NLRP7: variants seen among roughly 807,000 people sequenced by gnomAD.
The protein encoded by NLRP7 is NACHT, LRR and PYD domains-containing protein 7.
A neutral mutation model predicts 85.5 loss-of-function variants in NLRP7; 72 were observed. The observed-to-expected ratio is 0.84, with a 90% confidence interval of 0.70 to 1.02. The LOEUF (loss-of-function observed/expected upper bound fraction) is 1.02. Ranked by LOEUF, NLRP7 falls within the 50% of genes least tolerant of loss-of-function variation. The probability of loss-of-function intolerance (pLI) is 0.00; values close to 1 mark genes in which losing one functional copy is unlikely to be tolerated. For synonymous variants in NLRP7, 550 were observed against 505.2 expected, an observed-to-expected ratio of 1.09 and a Z score of -1.19; for missense variants, 1,243 against 1,219.5, an observed-to-expected ratio of 1.02 and a Z score of -0.29.
chr19:54,951,945 G>A (rs1047547303), upstream of NLRP7, among the ~76,000 whole-genome samples: 3 of 151,878 alleles, frequency 2.0e-5, no homozygotes, highest in African/African-American at 4.8e-5. Context: ...GTAGAGACGC[G>A]GTTTCACCAT....
chr19:54,960,027 G>A (rs890542363), intron 1 of NLRP7, among the ~76,000 whole-genome samples: 3 of 151,970 alleles, frequency 2.0e-5, no homozygotes, highest in South Asian at 2.1e-4. Context: ...CAGTTCATCC[G>A]ATACTCTGTT....
chr19:54,962,893 T>C (rs531843352), intron 1 of NLRP7, among the ~76,000 whole-genome samples: 14 of 151,956 alleles, frequency 9.2e-5, no homozygotes, highest in African/African-American at 3.1e-4. Context: ...GGCACCACAC[T>C]GGGCCCCCTC....
At position 54,945,683 on chromosome 19, in the gene NLRP7, C is replaced by A. The variant is rs567470752; in HGVS notation, c.-40+1786G>T. ...GCACAATCTCGACTCACTGCAACCT[C>A]CACCTCCCAGGTTCAAGTGATTCTA... On this transcript the variant is annotated intron_variant, in intron 1 of 9. Coordinates refer to ENST00000340844, the Ensembl canonical transcript of NLRP7. Among the ~76,000 whole-genome samples, 53 of 152,216 alleles carry A rather than the reference C, an allele frequency of 3.5e-4. 1 individual carries two copies. The highest frequency in any genetic ancestry group is 1.1e-3 in the African/African-American group (46 of 41,546).
At chr19:54,936,370 T>C (rs1352256594) in exon 6 of NLRP7, 9 of 1,614,114 alleles carry the variant, frequency 5.6e-6, no homozygotes, top group Non-Finnish European at 7.6e-6. Flanking sequence ...GTGAGGGTCT[T>C]CTTCCCAATG....
At position 54,945,537 on chromosome 19, in the gene NLRP7, T is replaced by C. The variant is rs545316978; in HGVS notation, c.-40+1932A>G. On this transcript the variant is annotated intron_variant, in intron 1 of 9. Transcript: ENST00000340844. ...TGCCCACCTCAGCCTCCCAAAGTGCTGGGATTACAGGTATGAGCCACCAGG... is the reference window on the plus strand; with the variant it reads ...TGCCCACCTCAGCCTCCCAAAGTGCCGGGATTACAGGTATGAGCCACCAGG... Among the ~76,000 whole-genome samples the C allele has an allele frequency of 5.3e-5, 8 of 152,132 alleles. No individual in the cohort carries two copies. The East Asian group carries it at 1.6e-3, about 30-fold the overall frequency.
chr19:54,932,217 C>T (rs996751405), intron 8 of NLRP7, among the ~76,000 whole-genome samples: 1 of 151,960 alleles, frequency 6.6e-6, no homozygotes, highest in Admixed American at 6.6e-5. Context: ...CACTTAAGGC[C>T]AGGAGTTCAA....
chr19:54,963,094 G>A (rs2070117088), intron 1 of NLRP7, among the ~76,000 whole-genome samples: 3 of 152,010 alleles, frequency 2.0e-5, no homozygotes, highest in South Asian at 4.2e-4. Context: ...ATGTTTAGAG[G>A]ACTTAATAAG....
chr19:54,957,321 C>T (rs1486928391), intron 1 of NLRP7, among the ~76,000 whole-genome samples: 2 of 151,130 alleles, frequency 1.3e-5, no homozygotes, highest in African/African-American at 4.9e-5. Flanking sequence ...GGGACGGACA[C>T]CCCTACTCCT....
intron 9 of NLRP7, 83 bp downstream of exon 10, chr19:54,927,522 C>T: frequency 7.0e-7 from 1 of 1,428,350 alleles, no homozygotes; most frequent in South Asian, 1.2e-5. Flanking sequence ...CGCCACTGCA[C>T]TCCAGCCTGA....
At chr19:54,930,701 C>T in intron 8 of NLRP7, 35 bp from the exon 9 acceptor site, 1 of 1,590,804 alleles carries the variant, frequency 6.3e-7, no homozygotes. Context: ...AGCCTGTTAT[C>T]CCTCTGGCTA....
chr19:54,933,090 G>A (rs939274602), intron 8 of NLRP7, among the ~76,000 whole-genome samples: 6 of 152,102 alleles, frequency 3.9e-5, no homozygotes, highest in Non-Finnish European at 8.8e-5. Flanking sequence ...AGCAGGAAGA[G>A]GCTCTGCTGA....
intron 1 of NLRP7, among the ~76,000 whole-genome samples, chr19:54,955,522 C>T (rs1324660562): frequency 6.6e-6 from 1 of 152,042 alleles, no homozygotes; most frequent in Admixed American, 6.6e-5. Flanking sequence ...TACAGAATTT[C>T]GACTGAGCAC....
chr19:54,947,674 T>G (rs1281303780), upstream of NLRP7: 3 of 1,286,502 alleles, frequency 2.3e-6, no homozygotes, highest in Non-Finnish European at 2.0e-6. Flanking sequence ...TCCTCAGGGA[T>G]TTGGCTGTAA....
intron 9 of NLRP7, among the ~76,000 whole-genome samples, chr19:54,926,572 G>C (rs269926): frequency 0.19 from 28,521 of 151,908 alleles, 3,028 homozygotes; most frequent in South Asian, 0.25. Context: ...CTGAGGTTGG[G>C]AGTTTGAGAC....
At chr19:54,942,153 G>C (rs2069257280) in intron 1 of NLRP7, among the ~76,000 whole-genome samples, 1 of 151,416 alleles carries the variant, frequency 6.6e-6, no homozygotes, top group Non-Finnish European at 1.5e-5. Context: ...CTACTCGGGA[G>C]GCTGAGGCAG....
chr19:54,935,798 AG>A (rs1177575416), intron 6 of NLRP7, among the ~76,000 whole-genome samples: 1 of 151,932 alleles, frequency 6.6e-6, no homozygotes, highest in East Asian at 1.9e-4. Context: ...CATTCTCCTC[AG>A]GCTCCCAAAG....
In NLRP7 at chr19:54,934,107, AT is replaced by A. The variant is rs978719660; in HGVS notation, c.2472-369del. ...TACAGGCGCCCACCACACCTGGATA[AT>A]TTTTTGTATTTTTTAGTAGAGACGG... is the stretch of plus-strand genomic sequence containing the variant. On this transcript the variant is annotated intron_variant, in intron 7 of 9. Coordinates refer to ENST00000340844, the Ensembl canonical transcript of NLRP7. This position sits in a 1 kb window ranked among gnomAD's most constrained non-coding sequence, Gnocchi z 6.7. Among the ~76,000 whole-genome samples, 1 of 152,060 alleles carries A rather than the reference AT, an allele frequency of 6.6e-6. No individual in the cohort carries two copies. Among genetic ancestry groups the A allele is most frequent in the African/African-American group, 2.4e-5 (1 of 41,404 alleles).
In NLRP7 at chr19:54,934,635, C is replaced by G; in HGVS notation, c.2325G>C (p.Pro775=). 6.2e-7 allele frequency: 1 copy of G among 1,613,628 alleles called. No homozygotes were observed. The highest frequency in any genetic ancestry group is 8.5e-7 in the Non-Finnish European group (1 of 1,179,876). Reference sequence around the variant, plus strand: ...CATAGAAGAATTCAGCCCACTGCTCCGGGGTGGCACAGTGACCTCCCAACC... The same window carrying G: ...CATAGAAGAATTCAGCCCACTGCTCGGGGGTGGCACAGTGACCTCCCAACC... Residue 775 remains proline, a synonymous_variant, in exon 7 of 10, where the codon CCG becomes CCC. Coordinates refer to ENST00000340844, the Ensembl canonical transcript of NLRP7. The surrounding 1 kb of genome is among the most constrained non-coding windows in gnomAD (Gnocchi z 6.7).
Position 54,936,242 on chromosome 19 carries a change from C to T in NLRP7, c.2300+19G>A, listed in dbSNP as rs781322295. 2 of 1,609,500 alleles carry T rather than the reference C, an allele frequency of 1.2e-6. No individual in the cohort carries two copies. Among genetic ancestry groups the T allele is most frequent in the Non-Finnish European group, 1.7e-6 (2 of 1,177,430 alleles). ...AGTGGACTCCAGGTGCTGGGGAGAG[C>T]CGTGACCGTGAGACCCACCTCAGGT... On this transcript the variant is annotated intron_variant, in intron 6 of 9. Transcript: ENST00000340844.
Sources: gnomAD v4.1 joint callset for allele counts (sites outside exome capture counted in the v4.1 genomes callset) on GRCh38, gnomAD v4.1.1 for gene constraint, Gnocchi (gnomAD v3.1) non-coding constraint, MANE v1.5 for transcripts, NCBI Gene and HGNC (gene_info 2026-07-23, HGNC 2026-07-21) for gene names.